The following NRXN3 variants were observed in gnomAD, a reference collection of about 807,000 sequenced individuals.
NRXN3 encodes neurexin 3.
A neutral mutation model predicts 137.6 loss-of-function variants in NRXN3; 32 were observed. That is an observed-to-expected ratio of 0.23 (90% CI 0.18 to 0.31). The LOEUF (loss-of-function observed/expected upper bound fraction) is 0.31. Ranked by LOEUF, NRXN3 falls within the 10% of genes least tolerant of loss-of-function variation. The probability of loss-of-function intolerance (pLI) is 1.00; values close to 1 mark genes in which losing one functional copy is unlikely to be tolerated. For synonymous variants in NRXN3, 798 were observed against 784.5 expected, an observed-to-expected ratio of 1.02 and a Z score of -0.29; for missense variants, 1,574 against 2,062.5, an observed-to-expected ratio of 0.76 and a Z score of 4.59.
chr14:78,629,122 C>G lies in NRXN3; in HGVS notation c.758-15998C>G, dbSNP rs569519136. 7.2e-5 allele frequency among the ~76,000 whole-genome samples: 11 copies of G among 152,312 alleles called. No individual in the cohort carries two copies. In the South Asian group the frequency reaches 2.3e-3, roughly 32 times the overall value. ...CTTCAAAAATGGTAGCTGGCATCATCACTATCATCACCCCCATTTCAAGGG... is the reference window on the plus strand; with the variant it reads ...CTTCAAAAATGGTAGCTGGCATCATGACTATCATCACCCCCATTTCAAGGG... On this transcript the variant is annotated intron_variant, in intron 4 of 20. Coordinates refer to ENST00000335750, the MANE Select transcript of NRXN3 (RefSeq NM_001330195.2).
intron 6 of NRXN3, among the ~76,000 whole-genome samples, chr14:78,674,901 C>T (rs2097984351): frequency 1.3e-5 from 2 of 152,152 alleles, no homozygotes; most frequent in Admixed American, 6.6e-5. Flanking sequence ...AGAAGCAAGG[C>T]TCTCTGTACT....
intron 1 of NRXN3, among the ~76,000 whole-genome samples, chr14:78,233,189 T>A (rs940098485): frequency 3.9e-5 from 6 of 152,176 alleles, no homozygotes; most frequent in African/African-American, 9.7e-5. Flanking sequence ...GATGTGCACA[T>A]CCTGGAAGGT....
chr14:79,556,248 G>A (rs2097428467), intron 16 of NRXN3, among the ~76,000 whole-genome samples: 1 of 152,048 alleles, frequency 6.6e-6, no homozygotes, highest in African/African-American at 2.4e-5. Context: ...TTCTCTGAGT[G>A]GTATTTTATG....
chr14:78,239,674 C>G (rs1348943125), intron 1 of NRXN3, among the ~76,000 whole-genome samples: 1 of 151,774 alleles, frequency 6.6e-6, no homozygotes, highest in African/African-American at 2.4e-5. Context: ...ATGGCTGATT[C>G]CCTCACACTC....
At chr14:79,204,632 A>G (rs1052761838) in intron 15 of NRXN3, among the ~76,000 whole-genome samples, 5 of 152,150 alleles carry the variant, frequency 3.3e-5, no homozygotes, top group East Asian at 3.9e-4. Flanking sequence ...GTCATCATCA[A>G]TTAAACATTT....
chr14:79,318,148 G>A (rs1023436793), intron 15 of NRXN3, among the ~76,000 whole-genome samples: 2 of 152,192 alleles, frequency 1.3e-5, no homozygotes, highest in Non-Finnish European at 2.9e-5. Flanking sequence ...AAAATATAGT[G>A]TTTTATGCCA....
At chr14:78,177,696 G>A (rs1314548818) in intron 1 of NRXN3, 2 of 152,074 alleles carry the variant, frequency 1.3e-5, no homozygotes, top group East Asian at 3.9e-4. Flanking sequence ...CCAATTTTAG[G>A]GCAGGAAGGT....
At chr14:79,062,308 T>C (rs147410382) in intron 15 of NRXN3, among the ~76,000 whole-genome samples, 90 of 152,250 alleles carry the variant, frequency 5.9e-4, no homozygotes, top group Middle Eastern at 3.4e-3. Flanking sequence ...CCTTTCTTTC[T>C]TTCATTATGC....
intron 16 of NRXN3, among the ~76,000 whole-genome samples, chr14:79,475,771 C>T (rs768095866): frequency 6.6e-6 from 1 of 152,050 alleles, no homozygotes; most frequent in Non-Finnish European, 1.5e-5. Flanking sequence ...AATGAATAAA[C>T]TTTAATCAGG....
At chr14:79,130,108 C>G (rs2057224281) in intron 15 of NRXN3, among the ~76,000 whole-genome samples, 1 of 151,690 alleles carries the variant, frequency 6.6e-6, no homozygotes, top group Middle Eastern at 3.4e-3. Flanking sequence ...ATACAGCACA[C>G]TGATGGGTCT....
intron 4 of NRXN3, among the ~76,000 whole-genome samples, chr14:78,595,053 GTA>G (rs2097147831): frequency 6.6e-6 from 1 of 152,172 alleles, no homozygotes; most frequent in African/African-American, 2.4e-5. Context: ...AGCTAACATT[GTA>G]AAGGGAGATA....
At chr14:79,622,314 A>G (rs559599024) in intron 16 of NRXN3, among the ~76,000 whole-genome samples, 1 of 152,204 alleles carries the variant, frequency 6.6e-6, no homozygotes, top group African/African-American at 2.4e-5. Flanking sequence ...CTCAGAAGCA[A>G]GTAAAACCTG....
intron 16 of NRXN3, among the ~76,000 whole-genome samples, chr14:79,608,675 A>C (rs2098056563): frequency 6.6e-6 from 1 of 152,212 alleles, no homozygotes; most frequent in African/African-American, 2.4e-5. Context: ...GGGCGCTTCT[A>C]GTATTCTCTG....
At chr14:79,181,659 G>T (rs2153132418) in intron 15 of NRXN3, among the ~76,000 whole-genome samples, 1 of 140,176 alleles carries the variant, frequency 7.1e-6, no homozygotes, top group East Asian at 2.1e-4. Context: ...CCAGTCCTGG[G>T]CAACAGAGTG....
chr14:79,803,039 TAATAA>T (rs1173249237), intron 19 of NRXN3, among the ~76,000 whole-genome samples: 8 of 152,118 alleles, frequency 5.3e-5, no homozygotes, highest in Non-Finnish European at 1.2e-4. Context: ...CCTGGAACTT[TAATAA>T]AATTAAAAAA....
chr14:79,276,528 G>A (rs2153434160), intron 15 of NRXN3, among the ~76,000 whole-genome samples: 1 of 152,212 alleles, frequency 6.6e-6, no homozygotes, highest in South Asian at 2.1e-4. Flanking sequence ...TAAATTATAA[G>A]TATGACAAGT....
At chr14:78,968,792 C>G (rs1046701507) in intron 14 of NRXN3, among the ~76,000 whole-genome samples, 7 of 152,072 alleles carry the variant, frequency 4.6e-5, no homozygotes, top group Non-Finnish European at 1.0e-4. Context: ...TTATTTAATG[C>G]AAATCTAGCA....
chr14:79,768,502 A>T (rs925384207), intron 19 of NRXN3, among the ~76,000 whole-genome samples: 89 of 152,296 alleles, frequency 5.8e-4, no homozygotes, highest in African/African-American at 2.0e-3. Flanking sequence ...GGCACCCCCC[A>T]GCAGGGGCAG....
At chr14:78,957,455 G>C (rs2099398999) in intron 11 of NRXN3, 94 bp downstream of exon 11, 9 of 1,403,686 alleles carry the variant, frequency 6.4e-6, no homozygotes, top group Non-Finnish European at 7.8e-6. Context: ...CTTTTATTTT[G>C]CATAGTAGAA....
Sources: gnomAD v4.1 joint callset for allele counts (sites outside exome capture counted in the v4.1 genomes callset) on GRCh38, gnomAD v4.1.1 for gene constraint, MANE v1.5 for transcripts, NCBI Gene and HGNC (gene_info 2026-07-23, HGNC 2026-07-21) for gene names.